Variants in KIF6 observed in about 807,000 individuals in gnomAD.
The protein encoded by KIF6 is kinesin-like protein KIF6.
Under a neutral mutation model 112.7 loss-of-function variants are expected in KIF6, and 106 were observed. The ratio of observed to expected loss-of-function variants is 0.94; its 90% confidence interval spans 0.80 to 1.11. The LOEUF is 1.11. KIF6 is among the 50% of genes least tolerant of loss of function. The pLI, the probability that KIF6 is intolerant of heterozygous loss-of-function variation, is 0.00. For missense variants in KIF6, 929 were observed against 964.0 expected (o/e 0.96, Z 0.48); for synonymous variants, 339 against 339.9 (o/e 1.00, Z 0.03).
chr6:39,637,501 CT>C (rs1211364758), intron 4 of KIF6, among the ~76,000 whole-genome samples: 1 of 152,016 alleles, frequency 6.6e-6, no homozygotes, highest in Non-Finnish European at 1.5e-5. Flanking sequence ...CAATTTTCTT[CT>C]CTTAAAATCA....
At chr6:39,693,768 A>G (rs1277683989) in intron 3 of KIF6, among the ~76,000 whole-genome samples, 6 of 152,144 alleles carry the variant, frequency 3.9e-5, no homozygotes, top group African/African-American at 1.4e-4. Context: ...CATTTCTACT[A>G]AAACTATTCC....
At chr6:39,445,771 T>C (rs956112066) in intron 13 of KIF6, among the ~76,000 whole-genome samples, 7 of 152,194 alleles carry the variant, frequency 4.6e-5, no homozygotes, top group Non-Finnish European at 7.3e-5. Flanking sequence ...GTCAGTGTTA[T>C]TCTGCACAGG....
intron 3 of KIF6, among the ~76,000 whole-genome samples, chr6:39,683,750 A>G (rs940146705): frequency 1.3e-5 from 2 of 152,204 alleles, no homozygotes; most frequent in Non-Finnish European, 2.9e-5. Context: ...GGGTAAGGGA[A>G]TAGGATAGTG....
chr6:39,584,748 T>C, intron 9 of KIF6, 150 bp downstream of exon 9: 1 of 502,200 alleles, frequency 2.0e-6, no homozygotes, highest in Non-Finnish European at 3.5e-6. Context: ...AGAGATAGCA[T>C]CTACTCATAG....
chr6:39,414,911 A>T (rs989385528), intron 15 of KIF6, among the ~76,000 whole-genome samples: 1 of 152,182 alleles, frequency 6.6e-6, no homozygotes, highest in African/African-American at 2.4e-5. Context: ...AAATCTGGCC[A>T]GGTGTGGTGG....
intron 7 of KIF6, among the ~76,000 whole-genome samples, chr6:39,586,896 G>C (rs529976019): frequency 6.6e-6 from 1 of 152,278 alleles, no homozygotes; most frequent in Admixed American, 6.5e-5. Context: ...ACATGCCTCA[G>C]TCTCCTCATC....
chr6:39,346,049 G>GCGCTCTCTCTCTCTCT lies in KIF6; in HGVS notation c.2232-261_2232-260insAGAGAGAGAGAGAGCG, dbSNP rs1763693911. Among the ~76,000 whole-genome samples, 2 of 28,994 alleles carry GCGCTCTCTCTCTCTCT rather than the reference G, an allele frequency of 6.9e-5. 1 individual carries two copies. Among genetic ancestry groups the GCGCTCTCTCTCTCTCT allele is most frequent in the African/African-American group, 2.6e-4 (2 of 7,838 alleles). The allele number at this position is 28,994 out of a possible 152,430, so 19.0% of individuals were successfully genotyped here. ...TAAGAGGAGGATGAGAAACTACAGT[G>GCGCTCTCTCTCTCTCT]CTCTCTCTCTCTCTCTCTCTCTCTC... On this transcript the variant is annotated intron_variant, in intron 20 of 22. Transcript: ENST00000287152.
At chr6:39,355,494 C>T (rs6917552) in intron 19 of KIF6, among the ~76,000 whole-genome samples, 2,205 of 138,976 alleles carry the variant, frequency 0.016, 58 homozygotes, top group African/African-American at 0.056. Context: ...GGCAGAGTCT[C>T]GCTCTGTCGC....
chr6:39,449,436 T>G (rs982972264), intron 13 of KIF6, among the ~76,000 whole-genome samples: 1 of 152,236 alleles, frequency 6.6e-6, no homozygotes, highest in Non-Finnish European at 1.5e-5. Flanking sequence ...TGTTCCTGCC[T>G]TTGGGGCTTT....
intron 13 of KIF6, among the ~76,000 whole-genome samples, chr6:39,485,498 C>T (rs1043407456): frequency 6.6e-6 from 1 of 152,186 alleles, no homozygotes; most frequent in Non-Finnish European, 1.5e-5. Flanking sequence ...GCATCTTCAT[C>T]TAACTTTGAT....
intron 13 of KIF6, among the ~76,000 whole-genome samples, chr6:39,436,076 T>C (rs1771509186): frequency 6.6e-6 from 1 of 152,220 alleles, no homozygotes; most frequent in Non-Finnish European, 1.5e-5. Context: ...TAAGATGGTA[T>C]TTCATCGTGG....
intron 10 of KIF6, among the ~76,000 whole-genome samples, chr6:39,553,485 G>A (rs1030630179): frequency 3.3e-5 from 5 of 152,092 alleles, no homozygotes; most frequent in Admixed American, 6.5e-5. Flanking sequence ...TGAAGATAAG[G>A]CCTATTTATA....
intron 3 of KIF6, chr6:39,691,674 A>G (rs747772530): frequency 7.9e-5 from 12 of 152,244 alleles, no homozygotes; most frequent in Non-Finnish European, 1.5e-4. Context: ...ACATGTTTAC[A>G]TAAGTAAAAG....
At position 39,593,664 on chromosome 6, in the gene KIF6, C is replaced by A. The variant is rs112268971; in HGVS notation, c.846+2390G>T. Among the ~76,000 whole-genome samples, 574 of 152,278 alleles carry A rather than the reference C, an allele frequency of 3.8e-3. 4 individuals are homozygous for A. The highest frequency in any genetic ancestry group is 0.013 in the African/African-American group (545 of 41,554). On this transcript the variant is annotated intron_variant, in intron 7 of 22. Transcript: ENST00000287152. Reference sequence around the variant, plus strand: ...CCAAGGGGCAATGACATGTGAATGTCATTGAGACTCTGAGCAAATTCATCC... The same window carrying A: ...CCAAGGGGCAATGACATGTGAATGTAATTGAGACTCTGAGCAAATTCATCC...
intron 3 of KIF6, among the ~76,000 whole-genome samples, chr6:39,647,845 G>A (rs1245052785): frequency 6.6e-6 from 1 of 151,126 alleles, no homozygotes; most frequent in African/African-American, 2.4e-5. Context: ...CTGGGTAGCT[G>A]GGATTACAGG....
chr6:39,530,778 C>T (rs13213488), intron 13 of KIF6, among the ~76,000 whole-genome samples: 42,881 of 152,120 alleles, frequency 0.28, 8,254 homozygotes, highest in African/African-American at 0.54. Context: ...TTAGAAGCAG[C>T]CCTAGGGACA....
At chr6:39,448,352 T>G (rs1164307483) in intron 13 of KIF6, among the ~76,000 whole-genome samples, 1 of 151,910 alleles carries the variant, frequency 6.6e-6, no homozygotes, top group African/African-American at 2.4e-5. Flanking sequence ...TTTTTGTAGT[T>G]TTCATAGAGA....
At chr6:39,475,179 C>G (rs1304983900) in intron 13 of KIF6, among the ~76,000 whole-genome samples, 1 of 152,160 alleles carries the variant, frequency 6.6e-6, no homozygotes, top group Non-Finnish European at 1.5e-5. Context: ...AAGCCTGGTT[C>G]CTTCCTGCCC....
chr6:39,629,419 G>A (rs1308210322), intron 5 of KIF6, among the ~76,000 whole-genome samples: 2 of 152,032 alleles, frequency 1.3e-5, no homozygotes, highest in African/African-American at 4.8e-5. Context: ...CTAATGACAG[G>A]TGATGTTGAG....
Sources: gnomAD v4.1 joint callset for allele counts (sites outside exome capture counted in the v4.1 genomes callset) on GRCh38, gnomAD v4.1.1 for gene constraint, MANE v1.5 for transcripts, NCBI Gene and HGNC (gene_info 2026-07-23, HGNC 2026-07-21) for gene names.